Variants in EYA4 observed in about 807,000 individuals in gnomAD.
EYA4 encodes EYA transcriptional coactivator and phosphatase 4.
EYA4 carries 31 observed loss-of-function variants against 87.9 expected under a neutral mutation model. The ratio of observed to expected loss-of-function variants is 0.35; its 90% confidence interval spans 0.27 to 0.48. The LOEUF is 0.48. EYA4 is among the 20% of genes least tolerant of loss of function. The pLI is 0.99. For missense variants in EYA4, 678 were observed against 761.4 expected (o/e 0.89, Z 1.29); for synonymous variants, 263 against 270.6 (o/e 0.97, Z 0.28).
At position 133,515,358 on chromosome 6, in the gene EYA4, G is replaced by A. The variant is rs925149184; in HGVS notation, c.1539G>A (p.Gln513=). 1 of 1,613,762 alleles carries A rather than the reference G, an allele frequency of 6.2e-7. No homozygotes were observed. The highest frequency in any genetic ancestry group is 8.5e-7 in the Non-Finnish European group (1 of 1,179,740). ...LGPAKRDAWL[Q]LRAEIEGLTD... Reference sequence around the variant, plus strand: ...CTGCCAAGAGGGATGCCTGGCTACAGTTAAGGGCAGAGATTGAAGGTCTGA... The same window carrying A: ...CTGCCAAGAGGGATGCCTGGCTACAATTAAGGGCAGAGATTGAAGGTCTGA... The change falls in exon 17 of 20, where the codon CAG becomes CAA. Residue 513 remains glutamine, a synonymous_variant. Coordinates refer to ENST00000355286, the MANE Select transcript of EYA4 (RefSeq NM_004100.5).
chr6:133,481,629 T>A (rs1160605639), intron 12 of EYA4, 30 bp downstream of exon 12: 1 of 1,609,276 alleles, frequency 6.2e-7, no homozygotes, highest in Non-Finnish European at 8.5e-7. Context: ...AAGATTGTAG[T>A]GTGATGCTTT....
At chr6:133,377,564 GTTTTT>G (rs145391738) in intron 2 of EYA4, among the ~76,000 whole-genome samples, 98 of 116,310 alleles carry the variant, frequency 8.4e-4, no homozygotes, top group African/African-American at 2.6e-3. Flanking sequence ...TTTCACATTA[GTTTTT>G]TTTTTTTTTT....
At chr6:133,264,760 C>G (rs539082547) in intron 1 of EYA4, among the ~76,000 whole-genome samples, 10 of 152,212 alleles carry the variant, frequency 6.6e-5, no homozygotes, top group African/African-American at 2.4e-4. Flanking sequence ...GAGATGTGCC[C>G]CCTCCACTCC....
chr6:133,345,273 G>A (rs972468855), intron 2 of EYA4, among the ~76,000 whole-genome samples: 2 of 152,112 alleles, frequency 1.3e-5, no homozygotes, highest in South Asian at 4.1e-4. Context: ...GTTATGTGGA[G>A]GGAAAGTTGC....
Position 133,382,437 on chromosome 6 carries a change from T to C in EYA4, c.79T>C (p.Ser27Pro). 2 of 1,609,402 alleles carry C rather than the reference T, an allele frequency of 1.2e-6. No homozygotes were observed. Among genetic ancestry groups the C allele is most frequent in the Non-Finnish European group, 1.7e-6 (2 of 1,175,798 alleles). The change falls in exon 3 of 20, where the codon TCC becomes CCC. Residue 27 changes from serine to proline, a missense_variant. Physicochemically the swap from Ser to Pro is moderately conservative, Grantham distance 74. Transcript: ENST00000355286. ...ATCAGATGTTTCACAATCTCAGAAT[T>C]CCAGGTACAGTAAAATAAAGACCAA... ...TESDVSQSQN[S>P]RSMEMQDLAS... is the part of the protein sequence containing the mutation.
chr6:133,241,761 C>T lies in EYA4; in HGVS notation c.-66+12C>T, dbSNP rs1045938477. On this transcript the variant is annotated intron_variant, in intron 1 of 19. Transcript: ENST00000355286. Reference sequence around the variant, plus strand: ...GACCGGGCGACGAGGTGAGTGACCCCTTCTTCCAACCCCCGCCCCAGGGCT... The same window carrying T: ...GACCGGGCGACGAGGTGAGTGACCCTTTCTTCCAACCCCCGCCCCAGGGCT... 3 of 152,378 alleles carry T rather than the reference C, an allele frequency of 2.0e-5. No homozygotes were observed. Among genetic ancestry groups the T allele is most frequent in the Non-Finnish European group, 4.4e-5 (3 of 68,196 alleles). The allele number at this position is 152,378 out of a possible 1,614,324, so 9.4% of individuals were successfully genotyped here.
chr6:133,377,954 A>T (rs1170240283), intron 2 of EYA4, among the ~76,000 whole-genome samples: 1 of 138,790 alleles, frequency 7.2e-6, no homozygotes, highest in African/African-American at 2.6e-5. Flanking sequence ...ATTCACTAAG[A>T]GAGTAGATTT....
chr6:133,286,221 A>T (rs1403379078), intron 2 of EYA4, among the ~76,000 whole-genome samples: 2 of 152,190 alleles, frequency 1.3e-5, no homozygotes, highest in African/African-American at 4.8e-5. Context: ...AGTGCACTGC[A>T]TGGGGGGCAC....
intron 1 of EYA4, among the ~76,000 whole-genome samples, chr6:133,251,343 A>G (rs1409576251): frequency 1.3e-5 from 2 of 152,190 alleles, no homozygotes; most frequent in African/African-American, 4.8e-5. Context: ...AAACTTTTTA[A>G]AAGGTAGCTT....
At chr6:133,417,623 A>G (rs1047645998) in intron 3 of EYA4, among the ~76,000 whole-genome samples, 5 of 152,196 alleles carry the variant, frequency 3.3e-5, no homozygotes, top group African/African-American at 1.2e-4. Context: ...ACCCTCATAC[A>G]TATACCTATC....
intron 13 of EYA4, 38 bp downstream of exon 13, chr6:133,483,153 T>A (rs759596690): frequency 5.3e-6 from 8 of 1,515,928 alleles, no homozygotes; most frequent in Non-Finnish European, 7.3e-6. Context: ...GAAATCTTGT[T>A]AAATTTTTTG....
intron 3 of EYA4, among the ~76,000 whole-genome samples, chr6:133,409,779 T>G (rs1166348496): frequency 1.3e-5 from 2 of 152,156 alleles, no homozygotes. Flanking sequence ...GTGTGAAGAT[T>G]ATAGTCAATA....
At chr6:133,324,862 G>T (rs1266158756) in intron 2 of EYA4, among the ~76,000 whole-genome samples, 2 of 140,170 alleles carry the variant, frequency 1.4e-5, no homozygotes, top group East Asian at 2.2e-4. Flanking sequence ...TTCAAGTTTT[G>T]TTAGTTTTTC....
intron 1 of EYA4, among the ~76,000 whole-genome samples, chr6:133,258,906 C>G (rs1305148664): frequency 6.6e-6 from 1 of 152,098 alleles, no homozygotes; most frequent in Non-Finnish European, 1.5e-5. Flanking sequence ...AAACAGAACC[C>G]TAGGGTCTTT....
At chr6:133,347,938 T>A (rs1783321353) in intron 2 of EYA4, among the ~76,000 whole-genome samples, 1 of 152,214 alleles carries the variant, frequency 6.6e-6, no homozygotes, top group Non-Finnish European at 1.5e-5. Context: ...GAATTATTTT[T>A]CCGTATGATA....
At chr6:133,353,489 A>G (rs1282152328) in intron 2 of EYA4, among the ~76,000 whole-genome samples, 1 of 152,280 alleles carries the variant, frequency 6.6e-6, no homozygotes, top group African/African-American at 2.4e-5. Context: ...GCAAACACAC[A>G]TAAAAAGTAA....
intron 2 of EYA4, among the ~76,000 whole-genome samples, chr6:133,342,064 C>G (rs991571205): frequency 6.6e-6 from 1 of 152,010 alleles, no homozygotes; most frequent in African/African-American, 2.4e-5. Context: ...CATGAAAGCA[C>G]TAACTTGGAA....
At chr6:133,377,078 T>C (rs1016244315) in intron 2 of EYA4, among the ~76,000 whole-genome samples, 1 of 151,992 alleles carries the variant, frequency 6.6e-6, no homozygotes, top group Non-Finnish European at 1.5e-5. Flanking sequence ...ATTTCTTGTA[T>C]GTCTCCTCCA....
At chr6:133,498,196 A>G (rs906884477) in intron 13 of EYA4, among the ~76,000 whole-genome samples, 1 of 152,208 alleles carries the variant, frequency 6.6e-6, no homozygotes, top group Non-Finnish European at 1.5e-5. Flanking sequence ...AGAACCATGG[A>G]TCTGAGGCAA....
Sources: allele counts gnomAD v4.1 joint callset (sites outside exome capture counted in the v4.1 genomes callset), GRCh38; gene constraint gnomAD v4.1.1; transcripts MANE v1.5; gene names NCBI Gene and HGNC (gene_info 2026-07-23, HGNC 2026-07-21).